Variants in ADAMTSL1 observed in about 807,000 individuals in gnomAD.
ADAMTSL1 encodes ADAMTS-like protein 1.
In ADAMTSL1, 126 loss-of-function variants were observed where a neutral mutation model predicts 201.8. The observed-to-expected ratio is 0.62, with a 90% CI of 0.54 to 0.72. The LOEUF is 0.72. ADAMTSL1 is among the 30% of genes least tolerant of loss of function. The pLI, the probability that ADAMTSL1 is intolerant of heterozygous loss-of-function variation, is 0.00. For synonymous variants in ADAMTSL1, 1,121 were observed against 903.4 expected, an observed-to-expected ratio of 1.24 and a Z score of -4.32; for missense variants, 2,679 against 2,277.8, an observed-to-expected ratio of 1.18 and a Z score of -3.59.
intron 1 of ADAMTSL1, among the ~76,000 whole-genome samples, chr9:18,106,179 G>A (rs925010157): frequency 5.3e-5 from 8 of 152,158 alleles, no homozygotes; most frequent in African/African-American, 1.7e-4. Flanking sequence ...CAGGCAGCTC[G>A]CTTTGGCCCC....
intron 3 of ADAMTSL1, among the ~76,000 whole-genome samples, chr9:18,562,246 G>C (rs1483077388): frequency 6.6e-6 from 1 of 152,136 alleles, no homozygotes; most frequent in Non-Finnish European, 1.5e-5. Context: ...GCATTTGCTT[G>C]TCTGTAAAGG....
chr9:18,126,820 A>C (rs906056206), intron 1 of ADAMTSL1, among the ~76,000 whole-genome samples: 2 of 152,196 alleles, frequency 1.3e-5, no homozygotes, highest in East Asian at 3.8e-4. Context: ...GTCTATGCTT[A>C]TGCCTCTGGA....
intron 23 of ADAMTSL1, 86 bp from the exon 24 acceptor site, chr9:18,887,727 CATTGTGTGTACAATTTCT>C: frequency 9.6e-7 from 1 of 1,038,510 alleles, no homozygotes; most frequent in South Asian, 1.5e-5. Context: ...GACAAGGCCA[CATTGTGTGTACAATTTCT>C]AGAGCCACAC....
rs193158160 is a variant in ADAMTSL1, at chr9:17,964,086, A to G, written c.87+57164A>G. On this transcript the variant is annotated intron_variant, in intron 1 of 29. Transcript: ENST00000680146. Reference sequence around the variant, plus strand: ...AAATTGTGAAAACCATGTTTCCTTGACCACCTGCTGTTTGAAGATTGATCA... The same window carrying G: ...AAATTGTGAAAACCATGTTTCCTTGGCCACCTGCTGTTTGAAGATTGATCA... 2.4e-3 allele frequency among the ~76,000 whole-genome samples: 364 copies of G among 152,262 alleles called. 1 individual carries two copies. Among genetic ancestry groups the G allele is most frequent in the Non-Finnish European group, 3.7e-3 (253 of 68,014 alleles).
chr9:18,465,902 C>A (rs1820986977), intron 2 of ADAMTSL1, among the ~76,000 whole-genome samples: 2 of 151,240 alleles, frequency 1.3e-5, no homozygotes, highest in South Asian at 4.2e-4. Context: ...GCGTGTGCCA[C>A]CATGCCCAGC....
At chr9:18,508,883 T>A (rs1340519745) in intron 2 of ADAMTSL1, among the ~76,000 whole-genome samples, 1 of 151,984 alleles carries the variant, frequency 6.6e-6, no homozygotes, top group African/African-American at 2.4e-5. Context: ...GTATTTTGAC[T>A]CTTATAATTT....
At chr9:18,610,065 G>A (rs12348453) in intron 4 of ADAMTSL1, among the ~76,000 whole-genome samples, 1,762 of 152,048 alleles carry the variant, frequency 0.012, 14 homozygotes, top group Non-Finnish European at 0.02. Context: ...GATGTTCCAG[G>A]GTAAGAAGTG....
At position 18,776,859 on chromosome 9, in the gene ADAMTSL1, G is replaced by A; in HGVS notation, c.2630G>A (p.Arg877Lys). Residue 877 changes from arginine to lysine, a missense_variant, in exon 19 of 29, where the codon AGG becomes AAG. By Grantham distance (26) the Arg-to-Lys change is conservative. Coordinates refer to ENST00000380548, the MANE Select transcript of ADAMTSL1 (RefSeq NM_001040272.6). Reference protein sequence around the residue: ...RKVYIQTRRQRKLHFVVGGFA... With the variant: ...RKVYIQTRRQKKLHFVVGGFA... ...GTCTACATACAGACTCGCAGGCAGA[G>A]GAAGCTGCACTTCGTGGTGGGGGGC... The A allele has an allele frequency of 6.2e-7, 1 of 1,608,916 alleles. No homozygotes were observed. The highest frequency in any genetic ancestry group is 8.5e-7 in the Non-Finnish European group (1 of 1,178,186).
chr9:17,939,520 T>A (rs1435801578), intron 1 of ADAMTSL1, among the ~76,000 whole-genome samples: 1 of 152,112 alleles, frequency 6.6e-6, no homozygotes, highest in Non-Finnish European at 1.5e-5. Context: ...TAATGTATAC[T>A]TGGTTGGTAA....
intron 6 of ADAMTSL1, among the ~76,000 whole-genome samples, chr9:18,636,897 C>G (rs748659405): frequency 1.3e-5 from 2 of 152,164 alleles, no homozygotes; most frequent in Non-Finnish European, 2.9e-5. Flanking sequence ...CATCTATCGT[C>G]TGTCCTTTCT....
At chr9:18,298,626 A>G (rs1833569038) in intron 2 of ADAMTSL1, among the ~76,000 whole-genome samples, 1 of 151,994 alleles carries the variant, frequency 6.6e-6, no homozygotes, top group African/African-American at 2.4e-5. Context: ...TTCTTCTTCA[A>G]AATTACCCTA....
intron 1 of ADAMTSL1, among the ~76,000 whole-genome samples, chr9:18,126,063 C>T (rs1273257522): frequency 6.6e-6 from 1 of 152,202 alleles, no homozygotes; most frequent in Non-Finnish European, 1.5e-5. Flanking sequence ...GGAGCTGACA[C>T]ATCACTCACA....
chr9:18,302,174 A>T (rs2132734649), intron 2 of ADAMTSL1, among the ~76,000 whole-genome samples: 1 of 152,278 alleles, frequency 6.6e-6, no homozygotes, highest in East Asian at 1.9e-4. Context: ...TCTTTATGCC[A>T]GAGTGTAGGA....
At chr9:18,447,777 A>G (rs1820251795) in intron 2 of ADAMTSL1, among the ~76,000 whole-genome samples, 1 of 152,156 alleles carries the variant, frequency 6.6e-6, no homozygotes, top group African/African-American at 2.4e-5. Flanking sequence ...CTCTCTGCCA[A>G]ATGAGTTTGC....
At chr9:18,256,613 A>G (rs993751572) in intron 2 of ADAMTSL1, among the ~76,000 whole-genome samples, 1 of 152,236 alleles carries the variant, frequency 6.6e-6, no homozygotes, top group African/African-American at 2.4e-5. Flanking sequence ...CCATTGGGGA[A>G]GACCAAGGAG....
At chr9:18,719,056 A>G (rs1339536841) in intron 14 of ADAMTSL1, among the ~76,000 whole-genome samples, 3 of 152,202 alleles carry the variant, frequency 2.0e-5, no homozygotes, top group African/African-American at 7.2e-5. Flanking sequence ...TCCAGTGGGA[A>G]GTATCAGTGA....
In ADAMTSL1 at chr9:18,817,224, C is replaced by G. The variant is rs529218941; in HGVS notation, c.3921C>G (p.Asn1307Lys). Reference sequence around the variant, plus strand: ...TGCAGGGAGTGAATGTGACAATCAACTGCCAGGTTGCAGGTGAGAAATTAA... The same window carrying G: ...TGCAGGGAGTGAATGTGACAATCAAGTGCCAGGTTGCAGGTGAGAAATTAA... The part of the protein sequence containing the change: ...KTVQGVNVTI[N>K]CQVAGVPEAE... The change falls in exon 21 of 29, where the codon AAC (asparagine) becomes AAG (lysine). Residue 1307 changes from asparagine to lysine, a missense_variant. Asn to Lys is a moderately conservative substitution (Grantham distance 94). Transcript: ENST00000380548. 1 of 1,555,914 alleles carries G rather than the reference C, an allele frequency of 6.4e-7. No individual in the cohort carries two copies. Among genetic ancestry groups the G allele is most frequent in the East Asian group, 2.4e-5 (1 of 41,456 alleles).
intron 2 of ADAMTSL1, among the ~76,000 whole-genome samples, chr9:18,401,716 A>G (rs1421038795): frequency 2.6e-5 from 4 of 152,266 alleles, no homozygotes; most frequent in Non-Finnish European, 4.4e-5. Context: ...TTCATCAAAT[A>G]TTAATAACTC....
chr9:18,033,260 T>A (rs1161892813), intron 1 of ADAMTSL1, among the ~76,000 whole-genome samples: 1 of 152,126 alleles, frequency 6.6e-6, no homozygotes, highest in African/African-American at 2.4e-5. Context: ...ATGTTCTTAT[T>A]CCAAAGAAAT....
Sources: gnomAD v4.1 joint callset for allele counts (sites outside exome capture counted in the v4.1 genomes callset) on GRCh38, gnomAD v4.1.1 for gene constraint, MANE v1.5 for transcripts, NCBI Gene and HGNC (gene_info 2026-07-23, HGNC 2026-07-21) for gene names.